Variants in RAD23B observed in about 807,000 individuals in gnomAD.
The protein encoded by RAD23B is RAD23 nucleotide excision repair protein B.
Under a neutral mutation model 49.1 loss-of-function variants are expected in RAD23B, and 5 were observed. That is an observed-to-expected ratio of 0.10 (90% confidence interval 0.05 to 0.21). The LOEUF is 0.21. RAD23B is among the 10% of genes least tolerant of loss of function. RAD23B has a pLI of 1.00. For missense variants in RAD23B, 356 were observed against 486.7 expected (o/e 0.73, Z 2.53); for synonymous variants, 184 against 165.4 (o/e 1.11, Z -0.86).
At chr9:107,286,898 C>T in intron 1 of RAD23B, among the ~76,000 whole-genome samples, 1 of 151,868 alleles carries the variant, frequency 6.6e-6, no homozygotes, top group Non-Finnish European at 1.5e-5. Context: ...CGGTGAAACC[C>T]CGTCTCTACT....
In RAD23B at chr9:107,324,892, C is replaced by T. The variant is rs1827173941; in HGVS notation, c.1004C>T (p.Ala335Val). 1 of 1,613,348 alleles carries T rather than the reference C, an allele frequency of 6.2e-7. No homozygotes were observed. The highest frequency in any genetic ancestry group is 2.2e-5 in the East Asian group (1 of 44,868). The change falls in exon 9 of 10, where the codon GCT becomes GTT. Residue 335 changes from alanine to valine, a missense_variant. Physicochemically the swap from Ala to Val is moderately conservative, Grantham distance 64. Around this residue, in one of 5 missense-constraint regions of RAD23B, gnomAD observed 148 missense variants for 231.7 expected, o/e 0.64. Coordinates refer to ENST00000358015, the MANE Select transcript of RAD23B (RefSeq NM_002874.5). ...ATGTTAAATGAACCAGTTCAAGAAG[C>T]TGGTGGTCAAGGAGGAGGAGGTGGA... ...IQMLNEPVQE[A>V]GGQGGGGGGG... is the part of the protein sequence containing the mutation.
At chr9:107,302,227 TAAC>T in intron 3 of RAD23B, 113 bp downstream of exon 3, 1 of 1,349,842 alleles carries the variant, frequency 7.4e-7, no homozygotes, top group Non-Finnish European at 9.7e-7. Flanking sequence ...GGTGTACACT[TAAC>T]TACTATGAAA....
At chr9:107,304,282 A>C (rs1368401840) in intron 3 of RAD23B, among the ~76,000 whole-genome samples, 1 of 152,238 alleles carries the variant, frequency 6.6e-6, no homozygotes, top group East Asian at 1.9e-4. Context: ...CAATTAAGGA[A>C]AATATTAAAT....
intron 9 of RAD23B, among the ~76,000 whole-genome samples, chr9:107,327,246 C>T (rs1827224501): frequency 6.6e-6 from 1 of 151,728 alleles, no homozygotes; most frequent in Non-Finnish European, 1.5e-5. Flanking sequence ...TTTTTCTAGT[C>T]TTTTGTTTTG....
rs1827154948 is a variant in RAD23B, at chr9:107,323,954, G to C, written c.882G>C (p.Gln294His). The change falls in exon 8 of 10, where the codon CAG becomes CAC. Residue 294 changes from glutamine to histidine, a missense_variant. Around this residue, in one of 5 missense-constraint regions of RAD23B, gnomAD observed 148 missense variants for 231.7 expected, o/e 0.64. Coordinates refer to ENST00000358015, the MANE Select transcript of RAD23B (RefSeq NM_002874.5). The part of the protein sequence containing the change: ...QFQQMRQIIQ[Q>H]NPSLLPALLQ... The stretch of plus-strand genomic sequence containing the variant: ...AACAGATGAGACAAATTATTCAGCA[G>C]AATCCTTCCTTGCTTCCAGCGTTAC... 1 of 1,612,854 alleles carries C rather than the reference G, an allele frequency of 6.2e-7. No homozygotes were observed. The highest frequency in any genetic ancestry group is 8.5e-7 in the Non-Finnish European group (1 of 1,178,864).
intron 9 of RAD23B, among the ~76,000 whole-genome samples, chr9:107,325,735 T>G (rs1827191690): frequency 6.6e-6 from 1 of 152,222 alleles, no homozygotes; most frequent in African/African-American, 2.4e-5. Flanking sequence ...CTTTTATTTC[T>G]TTGTCTTATT....
intron 1 of RAD23B, among the ~76,000 whole-genome samples, chr9:107,292,239 T>C (rs1833396920): frequency 6.6e-6 from 1 of 152,240 alleles, no homozygotes; most frequent in African/African-American, 2.4e-5. Context: ...TGTGGATGTT[T>C]AGGGTGGTTT....
At position 107,330,881 on chromosome 9, in the gene RAD23B, AATCTT is replaced by A. The variant is rs935294149; in HGVS notation, c.*1227_*1231del. 6.6e-6 allele frequency: 1 copy of A among 152,620 alleles called. No individual in the cohort carries two copies. The highest frequency in any genetic ancestry group is 2.4e-5 in the African/African-American group (1 of 41,448). 9.5% of individuals were successfully genotyped at this position (152,620 alleles called of 1,614,324 possible). A position where few individuals can be genotyped will look rare whatever the true frequency, so the allele number is the denominator to read the frequency against. Reference sequence around the variant, plus strand: ...ATATCTCATGGCATATTAAAAGAAAAATCTTAATAGCAGTGTTGGCTTTTATTTGG... The same window carrying A: ...ATATCTCATGGCATATTAAAAGAAAAAATAGCAGTGTTGGCTTTTATTTGG... On this transcript the variant is annotated 3_prime_UTR_variant, in exon 10 of 10. Coordinates refer to ENST00000358015, the MANE Select transcript of RAD23B (RefSeq NM_002874.5). This position sits in a 1 kb window ranked among gnomAD's most constrained non-coding sequence, Gnocchi z 4.4.
At chr9:107,328,772 A>C (rs964507511) in intron 9 of RAD23B, among the ~76,000 whole-genome samples, 1 of 152,182 alleles carries the variant, frequency 6.6e-6, no homozygotes, top group African/African-American at 2.4e-5. Flanking sequence ...GGGACCTGTG[A>C]TCTAACTCAA....
Position 107,322,012 on chromosome 9 carries a change from T to A in RAD23B, c.711T>A (p.Ala237=), listed in dbSNP as rs772005931. Residue 237 remains alanine (A), a synonymous_variant, in exon 7 of 10, where the codon GCT becomes GCA. Transcript: ENST00000358015. ...MGIPGDRESQ[A]VVDPPQAAST... Reference sequence around the variant, plus strand: ...TCCCTGGAGATAGAGAAAGTCAGGCTGTGGTTGACCCCCCTCAAGCAGCTA... The same window carrying A: ...TCCCTGGAGATAGAGAAAGTCAGGCAGTGGTTGACCCCCCTCAAGCAGCTA... 11 of 1,612,470 alleles carry A rather than the reference T, an allele frequency of 6.8e-6. 1 individual carries two copies. In the South Asian group the frequency reaches 1.2e-4, roughly 18 times the overall value.
In RAD23B at chr9:107,329,824, G is replaced by A. The variant is rs1297342725; in HGVS notation, c.*168G>A. ...GATACAGGGCAGGGATAAATACAGT[G>A]CATGTCTGCTTCAATTAGCAGATGC... On this transcript the variant is annotated 3_prime_UTR_variant, in exon 10 of 10. Coordinates refer to ENST00000358015, the MANE Select transcript of RAD23B (RefSeq NM_002874.5). The A allele has an allele frequency of 4.7e-6, 2 of 425,536 alleles. No individual in the cohort carries two copies. The highest frequency in any genetic ancestry group is 4.2e-6 in the Non-Finnish European group (1 of 239,468). The allele number at this position is 425,536 out of a possible 1,614,324, so 26.4% of individuals were successfully genotyped here.
At chr9:107,300,248 A>C (rs1805260) in intron 2 of RAD23B, 26 bp downstream of exon 2, 1 of 1,587,902 alleles carries the variant, frequency 6.3e-7, no homozygotes. Flanking sequence ...TAAAATTAAC[A>C]TGCCATGTCT....
rs1470908864 is a variant in RAD23B, at chr9:107,283,287, A to C, written c.-343A>C. 5.0e-6 allele frequency: 2 copies of C among 402,926 alleles called. No individual in the cohort carries two copies. Among genetic ancestry groups the C allele is most frequent in the Non-Finnish European group, 4.4e-6 (1 of 229,308 alleles). The allele number at this position is 402,926 out of a possible 1,614,324, so 25.0% of individuals were successfully genotyped here. On this transcript the variant is annotated 5_prime_UTR_variant, in exon 1 of 10. It removes an upstream start codon present in the reference 5' UTR. Transcript: ENST00000358015. ...AGGGGGCACGTCTCGGCGAGTCACG[A>C]TGATGGCGGCCACCATCCTGTGGTG... is the stretch of plus-strand genomic sequence containing the variant.
At chr9:107,301,654 C>T (rs137920738) in intron 2 of RAD23B, among the ~76,000 whole-genome samples, 1 of 152,146 alleles carries the variant, frequency 6.6e-6, no homozygotes, top group Non-Finnish European at 1.5e-5. Flanking sequence ...CCTCCTGCCT[C>T]AGCCTCCCAA....
intron 7 of RAD23B, among the ~76,000 whole-genome samples, chr9:107,322,484 A>G (rs1210108819): frequency 2.6e-5 from 4 of 152,200 alleles, no homozygotes; most frequent in Non-Finnish European, 4.4e-5. Context: ...TGTAATTTCA[A>G]AGCCAGCAGG....
At chr9:107,293,178 G>A (rs1407248221) in intron 1 of RAD23B, among the ~76,000 whole-genome samples, 1 of 151,850 alleles carries the variant, frequency 6.6e-6, no homozygotes, top group Non-Finnish European at 1.5e-5. Flanking sequence ...GCTTCTCCCA[G>A]TGTTAGTGAT....
chr9:107,306,547 G>A lies in RAD23B; in HGVS notation c.397G>A (p.Ala133Thr). ...ATCCATCACTCCAGCATCAGCGACA[G>A]CATCTTCTGAACCTGCACCTGCTAG... The part of the protein sequence containing the change: ...PASITPASAT[A>T]SSEPAPASAA... Residue 133 changes from alanine to threonine, a missense_variant, in exon 4 of 10, where the codon GCA (alanine) becomes ACA (threonine). By Grantham distance (58) the Ala-to-Thr change is moderately conservative. Transcript: ENST00000358015. The A allele has an allele frequency of 2.5e-6, 4 of 1,614,060 alleles. No homozygotes were observed. The highest frequency in any genetic ancestry group is 3.4e-6 in the Non-Finnish European group (4 of 1,180,000).
intron 4 of RAD23B, among the ~76,000 whole-genome samples, chr9:107,307,135 A>G (rs1826795921): frequency 1.3e-5 from 2 of 152,186 alleles, no homozygotes; most frequent in African/African-American, 2.4e-5. Flanking sequence ...ACCTGAACCT[A>G]TGGACTATTT....
At chr9:107,303,573 ATAACATTATAGT>A (rs1826702653) in intron 3 of RAD23B, among the ~76,000 whole-genome samples, 1 of 152,220 alleles carries the variant, frequency 6.6e-6, no homozygotes, top group Non-Finnish European at 1.5e-5. Context: ...GTACAGTTCA[ATAACATTATAGT>A]TACATTGTTT....
Sources: gnomAD v4.1 joint callset for allele counts (sites outside exome capture counted in the v4.1 genomes callset) on GRCh38, gnomAD v4.1.1 for gene constraint, gnomAD v4.1.1 regional missense constraint, Gnocchi (gnomAD v3.1) non-coding constraint, MANE v1.5 for transcripts, NCBI Gene and HGNC (gene_info 2026-07-23, HGNC 2026-07-21) for gene names.